NOX4: variants seen among roughly 807,000 people sequenced by gnomAD.
NOX4 encodes kidney oxidase-1.
In NOX4, 69 loss-of-function variants were observed where a neutral mutation model predicts 87.6. The observed-to-expected ratio is 0.79, with a 90% CI of 0.65 to 0.96. NOX4 has a LOEUF of 0.96. NOX4 is among the 40% of genes least tolerant of loss of function. NOX4 has a pLI of 0.00. For missense variants in NOX4, 680 were observed against 681.5 expected (o/e 1.00, Z 0.02); for synonymous variants, 275 against 238.2 (o/e 1.15, Z -1.42).
intron 2 of NOX4, among the ~76,000 whole-genome samples, chr11:89,454,401 ATTAGG>A (rs1283152939): frequency 1.3e-5 from 2 of 152,096 alleles, no homozygotes; most frequent in African/African-American, 4.8e-5. Context: ...AATAATAATA[ATTAGG>A]TCCACAAGAA....
rs1273222107 is a variant in NOX4 at position 89,405,411 on chromosome 11, C to G, written c.630-2869G>C. Among the ~76,000 whole-genome samples the G allele has an allele frequency of 4.0e-5, 6 of 151,880 alleles. No individual in the cohort carries two copies. The East Asian group carries it at 1.2e-3, about 29-fold the overall frequency. On this transcript the variant is annotated intron_variant, in intron 8 of 17. Coordinates refer to ENST00000263317, the MANE Select transcript of NOX4 (RefSeq NM_016931.5). Reference sequence around the variant, plus strand: ...GCATAGGCCATCTCTGTCCTAAAACCCCATTAAAACTGTCCTTACTTTGTC... The same window carrying G: ...GCATAGGCCATCTCTGTCCTAAAACGCCATTAAAACTGTCCTTACTTTGTC...
At chr11:89,479,004 C>T (rs1946280911) in intron 2 of NOX4, among the ~76,000 whole-genome samples, 1 of 137,924 alleles carries the variant, frequency 7.3e-6, no homozygotes, top group Non-Finnish European at 1.5e-5. Flanking sequence ...TGTTTTGTTT[C>T]ATCTTAAAAA....
chr11:89,387,924 G>A (rs563238341), intron 11 of NOX4, among the ~76,000 whole-genome samples: 2 of 152,146 alleles, frequency 1.3e-5, no homozygotes, highest in South Asian at 2.1e-4. Flanking sequence ...AGAACAAAAC[G>A]TTACATTCTA....
intron 9 of NOX4, among the ~76,000 whole-genome samples, chr11:89,401,964 AAAT>A (rs1941879531): frequency 1.3e-5 from 2 of 152,052 alleles, no homozygotes; most frequent in African/African-American, 2.4e-5. Context: ...TAATACAATA[AAAT>A]AATAATTTGT....
chr11:89,397,685 A>G (rs1323779165), intron 11 of NOX4, among the ~76,000 whole-genome samples: 1 of 152,136 alleles, frequency 6.6e-6, no homozygotes, highest in Non-Finnish European at 1.5e-5. Context: ...TGCTATAAAC[A>G]CCTCTACACA....
intron 2 of NOX4, among the ~76,000 whole-genome samples, chr11:89,488,563 G>A (rs1946721090): frequency 6.6e-6 from 1 of 152,018 alleles, no homozygotes; most frequent in African/African-American, 2.4e-5. Flanking sequence ...GAAATAAGAT[G>A]TTATTTTAGC....
intron 3 of NOX4, 84 bp downstream of exon 3, chr11:89,451,701 A>C: frequency 1.1e-6 from 1 of 909,036 alleles, no homozygotes; most frequent in Non-Finnish European, 1.8e-6. Context: ...CAAAAGTCAG[A>C]CTATGAAAAG....
At chr11:89,505,678 A>C in the NOX4 span, among the ~76,000 whole-genome samples, 1 of 151,882 alleles carries the variant, frequency 6.6e-6, no homozygotes. Context: ...TGTGAGGAGA[A>C]AACAGGAATC....
Position 89,355,014 on chromosome 11 carries a change from A to G in NOX4, c.1165T>C (p.Ser389Pro). The change falls in exon 13 of 18, where the codon TCT becomes CCT. Residue 389 changes from serine (S) to proline (P), a missense_variant. By Grantham distance (74) the Ser-to-Pro change is moderately conservative. Coordinates refer to ENST00000263317, the MANE Select transcript of NOX4 (RefSeq NM_016931.5). ...ERFRDLLLPPSSQDSEILPFI... is the reference protein window; with the variant it reads ...ERFRDLLLPPPSQDSEILPFI... Reference sequence around the variant, plus strand: ...GGCAGAATTTCGGAGTCTTGACTAGATGGAGGCAGTAGTAAATCTCGAAAT... The same window carrying G: ...GGCAGAATTTCGGAGTCTTGACTAGGTGGAGGCAGTAGTAAATCTCGAAAT... 1.2e-6 allele frequency: 2 copies of G among 1,603,560 alleles called. No homozygotes were observed. Among genetic ancestry groups the G allele is most frequent in the South Asian group, 2.2e-5 (2 of 90,370 alleles).
At chr11:89,395,854 T>C (rs1165150510) in intron 11 of NOX4, among the ~76,000 whole-genome samples, 1 of 152,144 alleles carries the variant, frequency 6.6e-6, no homozygotes, top group African/African-American at 2.4e-5. Context: ...TTCTGTTCCA[T>C]TGGTCTATAT....
exon 1 of NOX4, chr11:89,498,136 C>T (rs1015019720): frequency 2.6e-5 from 4 of 152,056 alleles, no homozygotes; most frequent in Non-Finnish European, 2.9e-5. Context: ...AGTTATTGTG[C>T]CCCATTTGTT....
At chr11:89,495,448 T>C (rs2135507182), upstream of NOX4, among the ~76,000 whole-genome samples, 1 of 152,222 alleles carries the variant, frequency 6.6e-6, no homozygotes, top group South Asian at 2.1e-4. Context: ...TGCCTCTCTC[T>C]TACCAGGACA....
chr11:89,428,421 G>A (rs1232281754), intron 7 of NOX4, among the ~76,000 whole-genome samples: 1 of 152,048 alleles, frequency 6.6e-6, no homozygotes, highest in Non-Finnish European at 1.5e-5. Context: ...TGCACAGACT[G>A]GCAAACTGGA....
At chr11:89,457,806 A>T (rs1945272828) in intron 2 of NOX4, among the ~76,000 whole-genome samples, 2 of 152,350 alleles carry the variant, frequency 1.3e-5, no homozygotes, top group African/African-American at 4.8e-5. Context: ...TCCCATTCAC[A>T]ATATCCACAA....
chr11:89,432,892 T>G, intron 6 of NOX4, 36 bp from the exon 7 acceptor site: 1 of 1,382,840 alleles, frequency 7.2e-7, no homozygotes, highest in Non-Finnish European at 1.0e-6. Context: ...TTTACTTAAA[T>G]CATAGTGAGA....
chr11:89,499,353 A>T (rs1013127820), upstream of NOX4, among the ~76,000 whole-genome samples: 22 of 152,200 alleles, frequency 1.4e-4, no homozygotes, highest in African/African-American at 4.3e-4. Context: ...ATGAATAAAT[A>T]AATTAATGTC....
At chr11:89,578,906 G>T in the NOX4 span, among the ~76,000 whole-genome samples, 1 of 152,170 alleles carries the variant, frequency 6.6e-6, no homozygotes, top group Non-Finnish European at 1.5e-5. Flanking sequence ...ACAGTCAAGA[G>T]TGTTCACTTC....
chr11:89,549,511 T>A, the NOX4 span, among the ~76,000 whole-genome samples: 1 of 152,216 alleles, frequency 6.6e-6, no homozygotes, highest in Non-Finnish European at 1.5e-5. Context: ...TTTATTATAC[T>A]TTATGTTCTG....
intron 2 of NOX4, among the ~76,000 whole-genome samples, chr11:89,453,371 G>A (rs1233383789): frequency 6.6e-6 from 1 of 152,100 alleles, no homozygotes; most frequent in East Asian, 1.9e-4. Context: ...TGTTGAAAAT[G>A]ACCAATCTTA....
Sources: allele counts gnomAD v4.1 joint callset (sites outside exome capture counted in the v4.1 genomes callset), GRCh38; gene constraint gnomAD v4.1.1; transcripts MANE v1.5; gene names NCBI Gene and HGNC (gene_info 2026-07-23, HGNC 2026-07-21).